APPBP2: variants seen among roughly 807,000 people sequenced by gnomAD.
APPBP2 encodes the protein amyloid beta precursor protein binding protein 2.
Under a neutral mutation model 76.0 loss-of-function variants are expected in APPBP2, and 15 were observed. The ratio of observed to expected loss-of-function variants is 0.20; its 90% CI spans 0.13 to 0.30. The LOEUF (loss-of-function observed/expected upper bound fraction) is 0.30, where lower values mean the gene tolerates loss of function less well. APPBP2 is among the 10% of genes least tolerant of loss of function. APPBP2 has a pLI of 1.00. For synonymous variants in APPBP2, 222 were observed against 242.2 expected (o/e 0.92, Z 0.77); for missense variants, 401 against 687.2 (o/e 0.58, Z 4.66).
chr17:60,500,498 A>G lies in APPBP2; in HGVS notation c.139-11T>C. The G allele has an allele frequency of 6.3e-7, 1 of 1,582,380 alleles. No individual in the cohort carries two copies. Among genetic ancestry groups the G allele is most frequent in the Non-Finnish European group, 8.6e-7 (1 of 1,168,622 alleles). ...TCCCTGTTGGTAAAGCTGAAATAAAAAACAAATGATTTAAAAATTTTGCAA... is the reference window on the plus strand; with the variant it reads ...TCCCTGTTGGTAAAGCTGAAATAAAGAACAAATGATTTAAAAATTTTGCAA... On this transcript the variant is annotated splice_polypyrimidine_tract_variant and intron_variant, in intron 1 of 12. Transcript: ENST00000083182.
At chr17:60,500,261 C>T (rs977111542) in intron 2 of APPBP2, 138 bp downstream of exon 2, 3 of 576,304 alleles carry the variant, frequency 5.2e-6, no homozygotes, top group Admixed American at 7.0e-5. Flanking sequence ...CCCACCTCAG[C>T]CTCCCAAAGT....
At chr17:60,485,566 T>TA (rs889601070) in intron 3 of APPBP2, among the ~76,000 whole-genome samples, 65 of 152,362 alleles carry the variant, frequency 4.3e-4, no homozygotes, top group African/African-American at 1.6e-3. Flanking sequence ...TATCATTTTT[T>TA]ATTGCATCTA....
At chr17:60,486,465 T>C (rs544140866) in intron 3 of APPBP2, among the ~76,000 whole-genome samples, 8 of 148,214 alleles carry the variant, frequency 5.4e-5, no homozygotes, top group Non-Finnish European at 1.0e-4. Flanking sequence ...CCTCGTCTCT[T>C]TTGATCTTTG....
At position 60,494,506 on chromosome 17, in the gene APPBP2, A is replaced by T. The variant is rs1376821049; in HGVS notation, c.339T>A (p.Ala113=). 1 of 1,611,024 alleles carries T rather than the reference A, an allele frequency of 6.2e-7. No individual in the cohort carries two copies. Among genetic ancestry groups the T allele is most frequent in the Admixed American group, 1.7e-5 (1 of 58,834 alleles). Residue 113 remains alanine (A), a synonymous_variant, in exon 3 of 13, where the codon GCT becomes GCA. Coordinates refer to ENST00000083182, the MANE Select transcript of APPBP2 (RefSeq NM_006380.5). ...CCTGAATGGCTTTTTCCTTTACTGC[A>T]GCATCTGATTCTGCTATATAAGAGC... ...RRCSYIAESD[A]AVKEKAIQVG...
chr17:60,448,344 T>A (rs2090366491), intron 12 of APPBP2, among the ~76,000 whole-genome samples: 1 of 152,148 alleles, frequency 6.6e-6, no homozygotes, highest in Non-Finnish European at 1.5e-5. Flanking sequence ...ATGCTTGTAA[T>A]CCCAGCTACT....
At chr17:60,510,773 T>C (rs1421517995) in intron 1 of APPBP2, among the ~76,000 whole-genome samples, 1 of 152,178 alleles carries the variant, frequency 6.6e-6, no homozygotes, top group Non-Finnish European at 1.5e-5. Context: ...AGAATATTGA[T>C]ATTCCTTTTC....
At chr17:60,460,459 G>A (rs1331445150) in intron 9 of APPBP2, 2 of 350,608 alleles carry the variant, frequency 5.7e-6, no homozygotes, top group Admixed American at 4.5e-5. Flanking sequence ...TTACAGGCGG[G>A]AGCCTCTGCA....
intron 8 of APPBP2, 173 bp downstream of exon 8, chr17:60,461,637 G>C: frequency 2.0e-6 from 1 of 493,166 alleles, no homozygotes; most frequent in South Asian, 4.1e-5. Context: ...AATTCCCAAA[G>C]CATTAACTTT....
At chr17:60,450,317 A>T (rs2090383870) in intron 12 of APPBP2, among the ~76,000 whole-genome samples, 1 of 145,258 alleles carries the variant, frequency 6.9e-6, no homozygotes, top group Non-Finnish European at 1.6e-5. Flanking sequence ...GGGCACCTGT[A>T]GTCCCAGGTA....
chr17:60,519,438 G>A (rs1053184976), intron 1 of APPBP2, among the ~76,000 whole-genome samples: 4 of 151,734 alleles, frequency 2.6e-5, no homozygotes, highest in Admixed American at 1.3e-4. Flanking sequence ...AGATACGGTC[G>A]GTCTCTACAA....
At chr17:60,461,144 G>GT (rs1351335474) in intron 8 of APPBP2, 1 of 157,464 alleles carries the variant, frequency 6.4e-6, no homozygotes, top group Non-Finnish European at 1.4e-5. Flanking sequence ...GGAGGCAAAG[G>GT]TGGGTGGATC....
intron 4 of APPBP2, among the ~76,000 whole-genome samples, chr17:60,469,124 G>A (rs753369333): frequency 5.9e-5 from 9 of 151,752 alleles, no homozygotes; most frequent in Admixed American, 1.3e-4. Flanking sequence ...TCAGGAGATC[G>A]AGACCATCCT....
intron 12 of APPBP2, among the ~76,000 whole-genome samples, chr17:60,449,945 C>G (rs75015847): frequency 7.2e-3 from 1 of 138 alleles, no homozygotes; most frequent in Non-Finnish European, 0.019. Flanking sequence ...TACAGGCGTA[C>G]TGTACCACGC....
intron 1 of APPBP2, among the ~76,000 whole-genome samples, chr17:60,502,563 G>C (rs2090830932): frequency 7.6e-6 from 1 of 130,910 alleles, no homozygotes; most frequent in South Asian, 2.1e-4. Flanking sequence ...TTTAAAAAAA[G>C]AATAAACAGG....
At chr17:60,522,759 G>A (rs1475371244) in intron 1 of APPBP2, among the ~76,000 whole-genome samples, 1 of 151,844 alleles carries the variant, frequency 6.6e-6, no homozygotes, top group East Asian at 1.9e-4. Flanking sequence ...TCCTGCTCAG[G>A]GACTTTGCTC....
chr17:60,503,580 T>C (rs2090840537), intron 1 of APPBP2, among the ~76,000 whole-genome samples: 1 of 145,828 alleles, frequency 6.9e-6, no homozygotes, highest in Non-Finnish European at 1.5e-5. Context: ...GAGATGGGGT[T>C]TCACCATGTT....
At chr17:60,449,513 T>C in intron 12 of APPBP2, among the ~76,000 whole-genome samples, 1 of 152,124 alleles carries the variant, frequency 6.6e-6, no homozygotes, top group East Asian at 1.9e-4. Flanking sequence ...GGAGAATCGC[T>C]TGAACCCAGG....
intron 1 of APPBP2, among the ~76,000 whole-genome samples, chr17:60,501,321 A>C (rs1372975854): frequency 6.6e-6 from 1 of 152,114 alleles, no homozygotes; most frequent in Non-Finnish European, 1.5e-5. Context: ...CCTGTCTCAA[A>C]AAAATTATAA....
At position 60,475,648 on chromosome 17, in the gene APPBP2, T is replaced by TACACACACAC. The variant is rs72415327; in HGVS notation, c.503+3490_503+3499dup. The stretch of plus-strand genomic sequence containing the variant: ...CTTTCAATCCACATTCAACTCTTTA[T>TACACACACAC]ACACACACACACACACACACACACA... On this transcript the variant is annotated intron_variant, in intron 4 of 12. Transcript: ENST00000083182. Among the ~76,000 whole-genome samples the TACACACACAC allele has an allele frequency of 3.2e-3, 415 of 129,250 alleles. 4 individuals carry two copies. Among genetic ancestry groups the TACACACACAC allele is most frequent in the Middle Eastern group, 0.011 (3 of 274 alleles). 84.8% of individuals were successfully genotyped at this position (129,250 alleles called of 152,430 possible). A position where few individuals can be genotyped will look rare whatever the true frequency, so the allele number is the denominator to read the frequency against.
Sources: gnomAD v4.1 joint callset for allele counts (sites outside exome capture counted in the v4.1 genomes callset) on GRCh38, gnomAD v4.1.1 for gene constraint, MANE v1.5 for transcripts, NCBI Gene and HGNC (gene_info 2026-07-23, HGNC 2026-07-21) for gene names.